The following ZRANB3 variants were observed in gnomAD, a reference collection of about 807,000 sequenced individuals.
ZRANB3 encodes DNA annealing helicase and endonuclease ZRANB3.
In ZRANB3, 125 loss-of-function variants were observed where a neutral mutation model predicts 133.8. The ratio of observed to expected loss-of-function variants is 0.93; its 90% CI spans 0.81 to 1.08. ZRANB3 has a LOEUF of 1.08. Among genes scored for constraint, ZRANB3 ranks in the 50% least tolerant of loss-of-function variants. The pLI is 0.00. For missense variants in ZRANB3, 1,229 were observed against 1,275.5 expected (o/e 0.96, Z 0.56); for synonymous variants, 387 against 432.7 (o/e 0.89, Z 1.31).
chr2:135,462,807 G>C (rs1330337402), intron 2 of ZRANB3, among the ~76,000 whole-genome samples: 2 of 152,012 alleles, frequency 1.3e-5, no homozygotes, highest in Non-Finnish European at 2.9e-5. Flanking sequence ...TGGCCAGGCT[G>C]GTCTTAAACT....
At chr2:135,494,614 A>G (rs1400255664) in intron 2 of ZRANB3, among the ~76,000 whole-genome samples, 1 of 152,222 alleles carries the variant, frequency 6.6e-6, no homozygotes, top group Non-Finnish European at 1.5e-5. Flanking sequence ...GTAACTATAC[A>G]GTGAAACTGG....
intron 16 of ZRANB3, among the ~76,000 whole-genome samples, chr2:135,218,337 AC>A (rs1231195788): frequency 3.9e-5 from 6 of 152,194 alleles, no homozygotes; most frequent in Non-Finnish European, 8.8e-5. Flanking sequence ...AGGAAAAAAA[AC>A]ATCAATAAAT....
intron 6 of ZRANB3, among the ~76,000 whole-genome samples, chr2:135,341,380 T>A (rs1684655388): frequency 6.7e-6 from 1 of 149,440 alleles, no homozygotes; most frequent in Admixed American, 6.6e-5. Context: ...TCAATACTCT[T>A]ATAATTTCCT....
intron 2 of ZRANB3, among the ~76,000 whole-genome samples, chr2:135,437,309 C>T (rs1689588112): frequency 1.3e-5 from 2 of 152,156 alleles, no homozygotes; most frequent in African/African-American, 4.8e-5. Context: ...TACAACTACA[C>T]AACATGACAA....
intron 2 of ZRANB3, among the ~76,000 whole-genome samples, chr2:135,449,527 G>C (rs1574121419): frequency 6.6e-6 from 1 of 152,240 alleles, no homozygotes; most frequent in Non-Finnish European, 1.5e-5. Context: ...GGCTGAGGCA[G>C]GAGAATCACT....
chr2:135,439,577 T>C (rs1689691281), intron 2 of ZRANB3, among the ~76,000 whole-genome samples: 1 of 152,206 alleles, frequency 6.6e-6, no homozygotes, highest in Admixed American at 6.5e-5. Flanking sequence ...ATAATAGTTA[T>C]AAGAATGACT....
intron 2 of ZRANB3, among the ~76,000 whole-genome samples, chr2:135,454,370 G>A (rs1441863658): frequency 6.6e-6 from 1 of 152,058 alleles, no homozygotes; most frequent in Non-Finnish European, 1.5e-5. Context: ...CACAAATAGT[G>A]ACCAGGCTCT....
At chr2:135,295,960 T>C (rs1682053732) in intron 8 of ZRANB3, among the ~76,000 whole-genome samples, 1 of 152,228 alleles carries the variant, frequency 6.6e-6, no homozygotes, top group African/African-American at 2.4e-5. Flanking sequence ...GTTAGTCTGA[T>C]GGGCTTCCCT....
rs1694825715 is a variant in ZRANB3 at position 135,227,998 on chromosome 2, G to A, written c.1972C>T (p.Leu658Phe). The change falls in exon 14 of 21, where the codon CTC becomes TTC. Residue 658 changes from leucine to phenylalanine, a missense_variant. Coordinates refer to ENST00000264159, the MANE Select transcript of ZRANB3 (RefSeq NM_032143.4). ...TCGTTTTTATCCTGGATATGGTTGA[G>A]GCTATCTATTTGCATAACTATTAAA... ...QGSAVMQIDS[L>F]NHIQDKNEKD... is the part of the protein sequence containing the mutation. 6.5e-7 allele frequency: 1 copy of A among 1,544,708 alleles called. No homozygotes were observed. The highest frequency in any genetic ancestry group is 2.0e-5 in the Admixed American group (1 of 50,020).
intron 8 of ZRANB3, among the ~76,000 whole-genome samples, chr2:135,293,079 T>C (rs1178816299): frequency 3.3e-5 from 5 of 152,116 alleles, no homozygotes; most frequent in South Asian, 2.1e-4. Flanking sequence ...GCAATGTGGG[T>C]TCTTTTTTGG....
intron 6 of ZRANB3, among the ~76,000 whole-genome samples, chr2:135,328,046 T>G (rs1201255280): frequency 2.6e-5 from 4 of 152,096 alleles, no homozygotes; most frequent in African/African-American, 9.7e-5. Context: ...TTTTAATTTT[T>G]TTTTTTAGTT....
chr2:135,425,298 G>A (rs1689018248), intron 2 of ZRANB3, among the ~76,000 whole-genome samples: 1 of 152,108 alleles, frequency 6.6e-6, no homozygotes, highest in South Asian at 2.1e-4. Flanking sequence ...GTACTGAAAA[G>A]GTCAGAAGTT....
At chr2:135,516,952 T>A (rs959746722) in intron 1 of ZRANB3, among the ~76,000 whole-genome samples, 1 of 152,164 alleles carries the variant, frequency 6.6e-6, no homozygotes, top group African/African-American at 2.4e-5. Flanking sequence ...CCATATTTCT[T>A]GGAGGCTTTG....
chr2:135,381,951 G>A (rs1355146848), intron 3 of ZRANB3, among the ~76,000 whole-genome samples: 1 of 152,186 alleles, frequency 6.6e-6, no homozygotes, highest in Non-Finnish European at 1.5e-5. Context: ...CTCCTCCAGA[G>A]GAACGCAGCC....
At chr2:135,517,633 C>T (rs1693755807) in intron 1 of ZRANB3, among the ~76,000 whole-genome samples, 1 of 152,204 alleles carries the variant, frequency 6.6e-6, no homozygotes, top group African/African-American at 2.4e-5. Flanking sequence ...GCTGCCTGTT[C>T]CTTCCTCTGG....
At chr2:135,423,723 A>C (rs1208069300) in intron 2 of ZRANB3, among the ~76,000 whole-genome samples, 1 of 152,206 alleles carries the variant, frequency 6.6e-6, no homozygotes, top group East Asian at 1.9e-4. Context: ...GGTTTTACAA[A>C]ATTTGAGGAA....
intron 8 of ZRANB3, among the ~76,000 whole-genome samples, chr2:135,310,515 T>A (rs1465079243): frequency 1.3e-5 from 2 of 152,136 alleles, no homozygotes; most frequent in Non-Finnish European, 2.9e-5. Context: ...AAGAATTATA[T>A]GCTACAAAAA....
At chr2:135,445,476 C>T (rs1292572394) in intron 2 of ZRANB3, among the ~76,000 whole-genome samples, 1 of 151,892 alleles carries the variant, frequency 6.6e-6, no homozygotes, top group African/African-American at 2.4e-5. Flanking sequence ...AAATAGTGTG[C>T]TTTTATGGTA....
intron 2 of ZRANB3, among the ~76,000 whole-genome samples, chr2:135,450,141 G>A (rs770693317): frequency 1.1e-4 from 16 of 151,984 alleles, no homozygotes; most frequent in Admixed American, 7.9e-4. Context: ...CCTTCCAAAG[G>A]TGGAGTCTCT....
Sources: allele counts gnomAD v4.1 joint callset (sites outside exome capture counted in the v4.1 genomes callset), GRCh38; gene constraint gnomAD v4.1.1; transcripts MANE v1.5; gene names NCBI Gene and HGNC (gene_info 2026-07-23, HGNC 2026-07-21).